ALK: variants seen among roughly 807,000 people sequenced by gnomAD.
ALK encodes ALK receptor tyrosine kinase.
A neutral mutation model predicts 163.1 loss-of-function variants in ALK; 74 were observed. The ratio of observed to expected loss-of-function variants is 0.45; its 90% CI spans 0.38 to 0.55. The LOEUF is 0.55. ALK is among the 20% of genes least tolerant of loss of function. ALK has a pLI of 0.00. For missense variants in ALK, 2,063 were observed against 2,105.3 expected (o/e 0.98, Z 0.39); for synonymous variants, 960 against 843.2 (o/e 1.14, Z -2.40).
chr2:29,919,914 A>G, intron 1 of ALK, 79 bp downstream of exon 1: 3 of 1,527,684 alleles, frequency 2.0e-6, no homozygotes, highest in Non-Finnish European at 2.7e-6. Flanking sequence ...GTGGGGTGGA[A>G]GTGAAGATTA....
intron 1 of ALK, among the ~76,000 whole-genome samples, chr2:29,885,646 G>A (rs995262365): frequency 1.3e-5 from 2 of 151,868 alleles, no homozygotes; most frequent in East Asian, 3.9e-4. Context: ...CCACACCAAA[G>A]GAATTAACAG....
intron 4 of ALK, among the ~76,000 whole-genome samples, chr2:29,390,174 T>G (rs1244987309): frequency 1.3e-5 from 2 of 152,194 alleles, no homozygotes; most frequent in East Asian, 3.9e-4. Flanking sequence ...TTTCCGAGGC[T>G]TTATTCCTAT....
intron 4 of ALK, among the ~76,000 whole-genome samples, chr2:29,417,883 A>G (rs1669918693): frequency 6.6e-6 from 1 of 152,168 alleles, no homozygotes; most frequent in Non-Finnish European, 1.5e-5. Context: ...ACCCGAACGC[A>G]TTTACCCTAG....
At chr2:29,570,576 G>A (rs1461901369) in intron 3 of ALK, among the ~76,000 whole-genome samples, 1 of 152,238 alleles carries the variant, frequency 6.6e-6, no homozygotes, top group Non-Finnish European at 1.5e-5. Flanking sequence ...AACAGGGTCT[G>A]CAGGAGCAGG....
At chr2:29,839,451 C>T (rs188116232) in intron 1 of ALK, among the ~76,000 whole-genome samples, 22 of 152,228 alleles carry the variant, frequency 1.4e-4, no homozygotes, top group Admixed American at 1.4e-3. Flanking sequence ...ACATAACTGC[C>T]TTCCAATTCA....
chr2:29,216,695 ATGGTGTGTGTGGTGGATGTCTG>A (rs1369396010), intron 23 of ALK, among the ~76,000 whole-genome samples: 6 of 142,442 alleles, frequency 4.2e-5, no homozygotes, highest in Non-Finnish European at 7.7e-5. Flanking sequence ...TGTGGGGTGT[ATGGTGTGTGTGGTGGATGTCTG>A]TGGTGTGTAT....
At chr2:29,878,817 T>C (rs868162771) in intron 1 of ALK, among the ~76,000 whole-genome samples, 7 of 152,100 alleles carry the variant, frequency 4.6e-5, no homozygotes, top group African/African-American at 7.2e-5. Flanking sequence ...ATATGTGGGA[T>C]ACAGGGTTAC....
At chr2:29,813,760 C>T (rs956149006) in intron 1 of ALK, among the ~76,000 whole-genome samples, 1 of 152,170 alleles carries the variant, frequency 6.6e-6, no homozygotes, top group African/African-American at 2.4e-5. Context: ...TCAGTCTGTT[C>T]TCCTTGTGGA....
At chr2:29,481,211 A>G (rs1671652627) in intron 4 of ALK, among the ~76,000 whole-genome samples, 1 of 152,214 alleles carries the variant, frequency 6.6e-6, no homozygotes, top group East Asian at 1.9e-4. Flanking sequence ...CCTGGTTTGT[A>G]GTTCAGTGCT....
At chr2:29,671,715 G>A (rs1415273166) in intron 3 of ALK, among the ~76,000 whole-genome samples, 3 of 151,974 alleles carry the variant, frequency 2.0e-5, no homozygotes, top group African/African-American at 7.2e-5. Context: ...TCACTTCTCT[G>A]TGGTCCTGGG....
At chr2:29,909,551 G>T (rs189209153) in intron 1 of ALK, among the ~76,000 whole-genome samples, 4 of 151,634 alleles carry the variant, frequency 2.6e-5, no homozygotes, top group Admixed American at 1.3e-4. Context: ...AAGTCCTCTT[G>T]AGTCTTTGGC....
chr2:29,273,822 G>T (rs935979095), intron 11 of ALK, among the ~76,000 whole-genome samples: 2 of 152,174 alleles, frequency 1.3e-5, no homozygotes, highest in Non-Finnish European at 2.9e-5. Context: ...TTGACCAAGA[G>T]CCAAGGAGAG....
At chr2:29,808,569 C>A (rs1394727166) in intron 1 of ALK, among the ~76,000 whole-genome samples, 1 of 152,164 alleles carries the variant, frequency 6.6e-6, no homozygotes, top group Admixed American at 6.5e-5. Context: ...CCCAGGATAC[C>A]TATCAGATGG....
In ALK at chr2:29,737,733, G is replaced by A. The variant is rs546360339; in HGVS notation, c.668-20036C>T. 1.2e-4 allele frequency among the ~76,000 whole-genome samples: 18 copies of A among 152,148 alleles called. 1 individual carries two copies. Among genetic ancestry groups the A allele is most frequent in the African/African-American group, 2.9e-4 (12 of 41,450 alleles). ...CCAGAAAAAGAGTCTATTGGGAAGC[G>A]TTACCTCCACCATCCTTCCCAATCT... On this transcript the variant is annotated intron_variant, in intron 1 of 28. Coordinates refer to ENST00000389048, the MANE Select transcript of ALK (RefSeq NM_004304.5).
At chr2:29,895,358 A>G (rs1667243058) in intron 1 of ALK, among the ~76,000 whole-genome samples, 1 of 152,240 alleles carries the variant, frequency 6.6e-6, no homozygotes, top group African/African-American at 2.4e-5. Context: ...AGACATTGAG[A>G]GTGAACAAAG....
intron 1 of ALK, among the ~76,000 whole-genome samples, chr2:29,877,621 C>T (rs13010777): frequency 0.77 from 117,650 of 152,062 alleles, 45,621 homozygotes; most frequent in East Asian, 0.8. Context: ...CATTGTTTAA[C>T]TGAATGAATT....
intron 4 of ALK, among the ~76,000 whole-genome samples, chr2:29,499,387 G>T (rs1401098486): frequency 1.3e-5 from 2 of 152,012 alleles, no homozygotes; most frequent in African/African-American, 4.8e-5. Context: ...TAGTAAACAA[G>T]GTTTCATCAC....
At chr2:29,571,842 C>G (rs1451076849) in intron 3 of ALK, among the ~76,000 whole-genome samples, 1 of 152,054 alleles carries the variant, frequency 6.6e-6, no homozygotes, top group Non-Finnish European at 1.5e-5. Context: ...TCTCGAACTC[C>G]TGACCTCGTG....
Position 29,227,533 on chromosome 2 carries a change from G to T in ALK, c.2914+41C>A. 1 of 1,524,684 alleles carries T rather than the reference G, an allele frequency of 6.6e-7. No individual in the cohort carries two copies. Among genetic ancestry groups the T allele is most frequent in the South Asian group, 1.1e-5 (1 of 89,290 alleles). 94.4% of individuals were successfully genotyped at this position (1,524,684 alleles called of 1,614,324 possible). On this transcript the variant is annotated intron_variant, in intron 17 of 28. Transcript: ENST00000389048. This position sits in a 1 kb window ranked among gnomAD's most constrained non-coding sequence, Gnocchi z 4.4. ...GAGGTTTTAGCTTGGTGGGAGGACT[G>T]ACCTAAGCAAGTTTGTTCTGCTGCC...
Sources: gnomAD v4.1 joint callset for allele counts (sites outside exome capture counted in the v4.1 genomes callset) on GRCh38, gnomAD v4.1.1 for gene constraint, Gnocchi (gnomAD v3.1) non-coding constraint, MANE v1.5 for transcripts, NCBI Gene and HGNC (gene_info 2026-07-23, HGNC 2026-07-21) for gene names.